STPG2: variants seen among roughly 807,000 people sequenced by gnomAD.
STPG2 encodes sperm-tail PG-rich repeat-containing protein 2.
STPG2 carries 56 observed loss-of-function variants against 54.2 expected under a neutral mutation model. The observed-to-expected ratio is 1.03, with a 90% CI of 0.83 to 1.29. STPG2 has a LOEUF of 1.29. Ranked by LOEUF, STPG2 falls within the 50% of genes most tolerant of loss-of-function variation. STPG2 has a pLI of 0.00. For synonymous variants in STPG2, 200 were observed against 181.8 expected (o/e 1.10, Z -0.81); for missense variants, 596 against 544.9 (o/e 1.09, Z -0.93).
At chr4:98,060,672 AGGG>A (rs1737622196) in intron 5 of STPG2, among the ~76,000 whole-genome samples, 1 of 152,162 alleles carries the variant, frequency 6.6e-6, no homozygotes, top group African/African-American at 2.4e-5. Flanking sequence ...ACTATACTAC[AGGG>A]CTACAGTAAC....
chr4:97,677,010 A>G (rs1443571613), intron 10 of STPG2, among the ~76,000 whole-genome samples: 1 of 152,208 alleles, frequency 6.6e-6, no homozygotes, highest in Non-Finnish European at 1.5e-5. Context: ...ATGTCAATTT[A>G]AAGCCTTAAC....
At chr4:97,873,755 T>A (rs1052551219) in intron 8 of STPG2, among the ~76,000 whole-genome samples, 2 of 151,552 alleles carry the variant, frequency 1.3e-5, no homozygotes, top group Non-Finnish European at 3.0e-5. Context: ...GCCCTTACCA[T>A]GTTTGAATTG....
rs1443293018 is a variant in STPG2 at position 97,545,358 on chromosome 4, A to T, written c.462+167341T>A. Among the ~76,000 whole-genome samples the T allele has an allele frequency of 3.9e-5, 6 of 152,150 alleles. No individual in the cohort carries two copies. In the East Asian group the frequency reaches 1.2e-3, roughly 29 times the overall value. On this transcript the variant is annotated intron_variant, in intron 4 of 4. Coordinates refer to the STPG2 transcript ENST00000522676. ...AGCTTTGGAAATGGGTTTGCAAACT[A>T]TAAACAAGCTTCTTCACACAGAGTC...
intron 10 of STPG2, among the ~76,000 whole-genome samples, chr4:97,642,691 AATTC>A (rs1295186288): frequency 3.3e-5 from 5 of 151,502 alleles, no homozygotes; most frequent in African/African-American, 1.2e-4. Flanking sequence ...AGTTATAAAC[AATTC>A]ACGTAGGCAC....
chr4:98,104,999 C>A (rs1739149057), intron 5 of STPG2, among the ~76,000 whole-genome samples: 1 of 152,178 alleles, frequency 6.6e-6, no homozygotes, highest in Admixed American at 6.5e-5. Context: ...GTAACAATAG[C>A]TGAGTCTTGG....
chr4:97,934,155 T>C (rs535256251), intron 8 of STPG2, among the ~76,000 whole-genome samples: 1 of 152,344 alleles, frequency 6.6e-6, no homozygotes, highest in Non-Finnish European at 1.5e-5. Context: ...ATGATTTGGC[T>C]CTGTGCTTGT....
chr4:97,899,449 C>A (rs190260739), intron 8 of STPG2, among the ~76,000 whole-genome samples: 24 of 152,016 alleles, frequency 1.6e-4, no homozygotes, highest in Middle Eastern at 3.4e-3. Context: ...CAATGATTTT[C>A]TTCACTGAAC....
intron 9 of STPG2, among the ~76,000 whole-genome samples, chr4:97,800,886 C>T (rs898960819): frequency 6.6e-6 from 1 of 152,178 alleles, no homozygotes; most frequent in African/African-American, 2.4e-5. Flanking sequence ...CAATGGCAGG[C>T]ACCCCTCCCC....
At chr4:97,842,814 T>C (rs1728841157) in intron 8 of STPG2, among the ~76,000 whole-genome samples, 1 of 151,894 alleles carries the variant, frequency 6.6e-6, no homozygotes, top group Admixed American at 6.6e-5. Flanking sequence ...CATGACCACC[T>C]GCTGCTATGT....
intron 4 of STPG2, among the ~76,000 whole-genome samples, chr4:97,473,466 A>T (rs1729993915): frequency 6.6e-6 from 1 of 152,098 alleles, no homozygotes; most frequent in African/African-American, 2.4e-5. Context: ...GCTTATTAGG[A>T]TGAGGAAATT....
chr4:98,077,224 T>TG (rs1434733324), intron 5 of STPG2, among the ~76,000 whole-genome samples: 285 of 89,846 alleles, frequency 3.2e-3, no homozygotes, highest in African/African-American at 0.011. Context: ...TCCTCAATAG[T>TG]TTTGTTGTTG....
At chr4:98,123,546 T>A (rs1739744689) in intron 3 of STPG2, among the ~76,000 whole-genome samples, 2 of 152,226 alleles carry the variant, frequency 1.3e-5, no homozygotes, top group African/African-American at 2.4e-5. Context: ...CGCTGTTGTC[T>A]GAGAGACTGT....
intron 9 of STPG2, among the ~76,000 whole-genome samples, chr4:97,771,837 G>A (rs1266971949): frequency 2.6e-5 from 4 of 152,210 alleles, no homozygotes; most frequent in Admixed American, 6.5e-5. Flanking sequence ...ATATGGATGT[G>A]CAAAGGGAGA....
At chr4:97,636,463 C>G (rs1578442986) in intron 10 of STPG2, among the ~76,000 whole-genome samples, 2 of 144,948 alleles carry the variant, frequency 1.4e-5, no homozygotes, top group Non-Finnish European at 3.0e-5. Context: ...CATTCAAAAG[C>G]TAGCAGAAGG....
At chr4:97,632,491 C>A (rs927571049) in intron 10 of STPG2, among the ~76,000 whole-genome samples, 6 of 152,042 alleles carry the variant, frequency 3.9e-5, no homozygotes, top group Non-Finnish European at 5.9e-5. Context: ...CTAATAATGA[C>A]TTTATGCCTT....
intron 8 of STPG2, among the ~76,000 whole-genome samples, chr4:97,908,662 A>G (rs1731549014): frequency 6.6e-6 from 1 of 151,852 alleles, no homozygotes; most frequent in African/African-American, 2.4e-5. Context: ...TGGCACATAT[A>G]CACCATGGAA....
intron 4 of STPG2, among the ~76,000 whole-genome samples, chr4:97,461,977 ATTAG>A (rs1423114378): frequency 2.0e-5 from 3 of 152,000 alleles, no homozygotes; most frequent in East Asian, 3.9e-4. Context: ...TCTTTTTATT[ATTAG>A]TTAGCATTTT....
intron 9 of STPG2, among the ~76,000 whole-genome samples, chr4:97,761,271 T>A (rs1433024598): frequency 6.6e-6 from 1 of 152,092 alleles, no homozygotes; most frequent in African/African-American, 2.4e-5. Context: ...TACAGTGGGG[T>A]AAGACAGGCC....
chr4:97,841,185 C>A (rs893098984), intron 8 of STPG2, among the ~76,000 whole-genome samples: 1 of 151,642 alleles, frequency 6.6e-6, no homozygotes, highest in Non-Finnish European at 1.5e-5. Flanking sequence ...TAAAAAATAG[C>A]TTTCATGATA....
Sources: gnomAD v4.1 joint callset for allele counts (sites outside exome capture counted in the v4.1 genomes callset) on GRCh38, gnomAD v4.1.1 for gene constraint, MANE v1.5 for transcripts, NCBI Gene and HGNC (gene_info 2026-07-23, HGNC 2026-07-21) for gene names.